Variants in ABR observed in about 807,000 individuals in gnomAD.
ABR encodes the protein ABR activator of RhoGEF and GTPase.
ABR carries 35 observed loss-of-function variants against 107.2 expected under a neutral mutation model. That is an observed-to-expected ratio of 0.33 (90% CI 0.25 to 0.43). ABR has a LOEUF of 0.43. Ranked by LOEUF, ABR falls within the 20% of genes least tolerant of loss-of-function variation. ABR has a pLI of 1.00. For missense variants in ABR, 815 were observed against 1,115.2 expected, an observed-to-expected ratio of 0.73 and a Z score of 3.83; for synonymous variants, 498 against 462.0, an observed-to-expected ratio of 1.08 and a Z score of -1.00.
At chr17:1,067,663 A>G (rs2034864311) in intron 9 of ABR, among the ~76,000 whole-genome samples, 1 of 152,202 alleles carries the variant, frequency 6.6e-6, no homozygotes, top group African/African-American at 2.4e-5. Flanking sequence ...TCCAAATGCC[A>G]CCTCTTATCA....
intron 2 of ABR, among the ~76,000 whole-genome samples, chr17:1,103,296 CG>C (rs957587768): frequency 1.2e-4 from 18 of 152,048 alleles, no homozygotes; most frequent in Admixed American, 1.1e-3. Context: ...CACGTAGCCC[CG>C]GGGGACAAGA....
At chr17:1,077,354 C>T (rs532544879) in intron 6 of ABR, among the ~76,000 whole-genome samples, 44 of 152,318 alleles carry the variant, frequency 2.9e-4, no homozygotes, top group African/African-American at 1.0e-3. Flanking sequence ...GGTCCCAGGT[C>T]CGTTTCACTG....
intron 1 of ABR, among the ~76,000 whole-genome samples, chr17:1,160,972 G>C (rs1363813523): frequency 6.6e-6 from 1 of 152,142 alleles, no homozygotes; most frequent in Non-Finnish European, 1.5e-5. Context: ...TGCTGCAGAC[G>C]GTGCCTTCTG....
intron 1 of ABR, among the ~76,000 whole-genome samples, chr17:1,202,122 T>C (rs1226810248): frequency 6.6e-6 from 1 of 152,156 alleles, no homozygotes; most frequent in Non-Finnish European, 1.5e-5. Context: ...TTTTATTTAT[T>C]TATTTTTCGA....
intron 16 of ABR, among the ~76,000 whole-genome samples, chr17:1,014,269 G>A (rs1414735194): frequency 2.7e-5 from 4 of 150,554 alleles, no homozygotes; most frequent in Non-Finnish European, 5.9e-5. Flanking sequence ...GTGAAACCCC[G>A]TCTCTACTAA....
chr17:1,056,598 C>A (rs921389335), intron 13 of ABR, among the ~76,000 whole-genome samples: 11 of 152,166 alleles, frequency 7.2e-5, no homozygotes, highest in Non-Finnish European at 1.2e-4. Flanking sequence ...AAAACCCCCC[C>A]AGACTCCCGG....
chr17:1,171,906 G>A (rs907012814), intron 1 of ABR, among the ~76,000 whole-genome samples: 3 of 152,166 alleles, frequency 2.0e-5, no homozygotes, highest in Admixed American at 2.0e-4. Context: ...CTCCAGCCTG[G>A]GCAACGAGAG....
At chr17:1,015,320 G>T (rs961699697) in intron 16 of ABR, among the ~76,000 whole-genome samples, 8 of 150,586 alleles carry the variant, frequency 5.3e-5, no homozygotes, top group Non-Finnish European at 1.2e-4. Context: ...TTGGGAGGCT[G>T]AGATGGAAGA....
At chr17:1,086,040 G>A (rs965381708) in intron 4 of ABR, among the ~76,000 whole-genome samples, 6 of 152,138 alleles carry the variant, frequency 3.9e-5, no homozygotes, top group African/African-American at 1.4e-4. Context: ...CAGCTACTTG[G>A]GAGGACAAGG....
upstream of ABR, among the ~76,000 whole-genome samples, chr17:1,189,681 C>T (rs1265687180): frequency 1.1e-5 from 1 of 88,814 alleles, no homozygotes; most frequent in Non-Finnish European, 3.2e-5. Context: ...CCTACTCTCC[C>T]TTCTGGTCTT....
chr17:1,056,349 AC>A (rs2033273462), intron 13 of ABR, among the ~76,000 whole-genome samples: 1 of 152,020 alleles, frequency 6.6e-6, no homozygotes, highest in South Asian at 2.1e-4. Flanking sequence ...CAGCACACCC[AC>A]CATCCTGGCC....
Position 1,027,257 on chromosome 17 carries a change from C to T in ABR, c.1792-14093G>A, listed in dbSNP as rs1316902995. ...GCCCAGCACCGCTGGCTGGCCAAGCCGTCTGTGGCCTGCAGGGAGGCCGGG... is the reference window on the plus strand; with the variant it reads ...GCCCAGCACCGCTGGCTGGCCAAGCTGTCTGTGGCCTGCAGGGAGGCCGGG... On this transcript the variant is annotated intron_variant, in intron 16 of 22. Coordinates refer to ENST00000302538, the MANE Select transcript of ABR (RefSeq NM_021962.5). This position sits in a 1 kb window ranked among gnomAD's most constrained non-coding sequence, Gnocchi z 4.7. Among the ~76,000 whole-genome samples, 2 of 152,226 alleles carry T rather than the reference C, an allele frequency of 1.3e-5. No individual in the cohort carries two copies. The highest frequency in any genetic ancestry group is 3.9e-4 in the East Asian group (2 of 5,190).
rs1267546270 is a variant in ABR, at chr17:1,150,830, C to T, written c.62-25463G>A. ...GGTTCTGCAAACCCAGCCATCAACA[C>T]ACAGAGGCCCACGAGCCCATTCCTG... On this transcript the variant is annotated intron_variant, in intron 1 of 22. Coordinates refer to ENST00000302538, the MANE Select transcript of ABR (RefSeq NM_021962.5). The surrounding 1 kb of genome is among the most constrained non-coding windows in gnomAD (Gnocchi z 4.8). Among the ~76,000 whole-genome samples, 1 of 152,192 alleles carries T rather than the reference C, an allele frequency of 6.6e-6. No individual in the cohort carries two copies. Among genetic ancestry groups the T allele is most frequent in the Non-Finnish European group, 1.5e-5 (1 of 68,042 alleles).
Position 1,050,472 on chromosome 17 carries a change from C to T in ABR, c.1659+65G>A. 1 of 1,464,016 alleles carries T rather than the reference C, an allele frequency of 6.8e-7. No individual in the cohort carries two copies. The highest frequency in any genetic ancestry group is 9.6e-7 in the Non-Finnish European group (1 of 1,044,234). 90.7% of individuals were successfully genotyped at this position (1,464,016 alleles called of 1,614,324 possible). A position where few individuals can be genotyped will look rare whatever the true frequency, so the allele number is the denominator to read the frequency against. ...GTCCAACCAATGGGCTGGCCGTCCC[C>T]AGCAGACAAGCCACGAGCACGGGGT... On this transcript the variant is annotated intron_variant, in intron 15 of 22. Coordinates refer to ENST00000302538, the MANE Select transcript of ABR (RefSeq NM_021962.5). The surrounding 1 kb of genome is among the most constrained non-coding windows in gnomAD (Gnocchi z 4.6).
chr17:1,174,301 G>A (rs1471627580), intron 1 of ABR, among the ~76,000 whole-genome samples: 1 of 152,216 alleles, frequency 6.6e-6, no homozygotes, highest in East Asian at 1.9e-4. Flanking sequence ...TGACAAAAAG[G>A]AATAAATTAC....
Position 1,125,309 on chromosome 17 carries a change from G to C in ABR, c.120C>G (p.Pro40=), listed in dbSNP as rs748860099. 5 of 1,614,008 alleles carry C rather than the reference G, an allele frequency of 3.1e-6. No individual in the cohort carries two copies. The highest frequency in any genetic ancestry group is 3.3e-5 in the Admixed American group (2 of 60,024). The part of the protein sequence containing the change: ...DGEGNEEQKG[P]PEGSETMPYI... Reference sequence around the variant, plus strand: ...ACGGCATGGTCTCTGAGCCCTCCGGGGGCCCCTTCTGCTCCTCATTCCCCT... The same window carrying C: ...ACGGCATGGTCTCTGAGCCCTCCGGCGGCCCCTTCTGCTCCTCATTCCCCT... The change falls in exon 2 of 23, where the codon CCC becomes CCG. Residue 40 remains proline (P), a synonymous_variant. Transcript: ENST00000302538.
In ABR at chr17:1,029,432, T is replaced by C. The variant is rs73285578; in HGVS notation, c.1792-16268A>G. Reference sequence around the variant, plus strand: ...CATGAGACCTTTCCATCTGAACAGATTGTTTAATCCCAGCCCTGGATGAGT... The same window carrying C: ...CATGAGACCTTTCCATCTGAACAGACTGTTTAATCCCAGCCCTGGATGAGT... On this transcript the variant is annotated intron_variant, in intron 16 of 22. Coordinates refer to ENST00000302538, the MANE Select transcript of ABR (RefSeq NM_021962.5). Among the ~76,000 whole-genome samples, 633 of 152,250 alleles carry C rather than the reference T, an allele frequency of 4.2e-3. 6 individuals are homozygous for C. The highest frequency in any genetic ancestry group is 0.014 in the African/African-American group (586 of 41,532).
At position 1,051,496 on chromosome 17, in the gene ABR, T is replaced by C. The variant is rs373027146; in HGVS notation, c.1562-862A>G. Among the ~76,000 whole-genome samples the C allele has an allele frequency of 2.9e-4, 44 of 152,220 alleles. No homozygotes were observed. The East Asian group carries it at 7.6e-3, about 26-fold the overall frequency. On this transcript the variant is annotated intron_variant, in intron 14 of 22. Coordinates refer to ENST00000302538, the MANE Select transcript of ABR (RefSeq NM_021962.5). This position sits in a 1 kb window ranked among gnomAD's most constrained non-coding sequence, Gnocchi z 4.3. ...CACCCTGGCCTTCAGGCTGAAAATC[T>C]ACCTTGGGACCCAACTGCTGAGGCC...
chr17:1,121,613 C>T (rs2039354045), intron 2 of ABR, among the ~76,000 whole-genome samples: 2 of 150,216 alleles, frequency 1.3e-5, no homozygotes. Context: ...AGCTGAGTCC[C>T]CAAGGCAGGG....
Sources: gnomAD v4.1 joint callset for allele counts (sites outside exome capture counted in the v4.1 genomes callset) on GRCh38, gnomAD v4.1.1 for gene constraint, Gnocchi (gnomAD v3.1) non-coding constraint, MANE v1.5 for transcripts, NCBI Gene and HGNC (gene_info 2026-07-23, HGNC 2026-07-21) for gene names.